ERCC1: variants seen among roughly 807,000 people sequenced by gnomAD.
The protein encoded by ERCC1 is DNA excision repair protein ERCC-1.
A neutral mutation model predicts 37.6 loss-of-function variants in ERCC1; 36 were observed. The observed-to-expected ratio is 0.96, with a 90% CI of 0.73 to 1.26. ERCC1 has a LOEUF of 1.26. ERCC1 is among the 50% of genes most tolerant of loss of function. ERCC1 has a pLI of 0.00. For missense variants in ERCC1, 349 were observed against 376.5 expected (o/e 0.93, Z 0.60); for synonymous variants, 156 against 162.1 (o/e 0.96, Z 0.28).
In ERCC1 at chr19:45,429,660, T is replaced by G. The variant is rs564057318; in HGVS notation, c.-7-6279A>C. ...TGCCATTCCAGAGCACATGCCATTCTCCACTTGTCACGATTTCTTGCATAC... is the reference window on the plus strand; with the variant it reads ...TGCCATTCCAGAGCACATGCCATTCGCCACTTGTCACGATTTCTTGCATAC... On this transcript the variant is annotated intron_variant, in intron 1 of 8. Transcript: ENST00000423698. Among the ~76,000 whole-genome samples the G allele has an allele frequency of 4.4e-4, 67 of 152,276 alleles. 2 individuals are homozygous for G. In the South Asian group the frequency reaches 0.011, roughly 25 times the overall value.
intron 1 of ERCC1, among the ~76,000 whole-genome samples, chr19:45,441,679 T>G (rs1278586832): frequency 1.4e-5 from 2 of 146,014 alleles, no homozygotes; most frequent in Non-Finnish European, 3.0e-5. Flanking sequence ...CCAGCCTAAT[T>G]TTTTTTTTTT....
intron 1 of ERCC1, chr19:45,450,703 T>G: frequency 6.7e-6 from 1 of 149,768 alleles, no homozygotes; most frequent in African/African-American, 2.5e-5. Context: ...GAGGCAGAGG[T>G]TGCAGTGAGC....
chr19:45,449,116 G>A (rs555344818), intron 1 of ERCC1: 17 of 152,306 alleles, frequency 1.1e-4, no homozygotes, highest in African/African-American at 3.8e-4. Context: ...TGAAGGATAA[G>A]GGATCATGCA....
At chr19:45,437,677 G>A (rs750019788) in intron 1 of ERCC1, among the ~76,000 whole-genome samples, 6 of 152,230 alleles carry the variant, frequency 3.9e-5, no homozygotes, top group South Asian at 2.1e-4. Context: ...CAGTATAAAG[G>A]TGGCTACTAG....
chr19:45,414,212 A>C lies in ERCC1; in HGVS notation c.703-178T>G. On this transcript the variant is annotated intron_variant, in intron 7 of 9. Coordinates refer to ENST00000300853, the MANE Select transcript of ERCC1 (RefSeq NM_001983.4). Reference sequence around the variant, plus strand: ...CATCTCAGGCTGGGCGTGGTGGCTCATGCCTAATAATCCCAGCACTTTCGA... The same window carrying C: ...CATCTCAGGCTGGGCGTGGTGGCTCCTGCCTAATAATCCCAGCACTTTCGA... The C allele has an allele frequency of 6.1e-6, 4 of 655,786 alleles. No homozygotes were observed. The South Asian group carries it at 6.6e-5, about 11-fold the overall frequency. The allele number at this position is 655,786 out of a possible 1,614,324, so 40.6% of individuals were successfully genotyped here.
At chr19:45,416,793 G>A in intron 6 of ERCC1, 28 bp downstream of exon 6, 1 of 1,583,760 alleles carries the variant, frequency 6.3e-7, no homozygotes, top group Non-Finnish European at 8.7e-7. Context: ...GGTGGAGCCT[G>A]AATGAGGCAG....
At chr19:45,417,835 G>A (rs1015323019) in intron 5 of ERCC1, among the ~76,000 whole-genome samples, 4 of 152,036 alleles carry the variant, frequency 2.6e-5, no homozygotes, top group Non-Finnish European at 5.9e-5. Flanking sequence ...GAGTAGCTGG[G>A]ACTATAGGTG....
rs1973547906 is a variant in ERCC1, at chr19:45,409,413, C to T, written c.*262G>A. The T allele has an allele frequency of 1.2e-6, 2 of 1,613,526 alleles. No homozygotes were observed. Among genetic ancestry groups the T allele is most frequent in the South Asian group, 2.2e-5 (2 of 91,068 alleles). ...GAGACAGTGCCCCAAGAGGAGATGC[C>T]AGGGCCGCCACTGAATTCAGAGTCT... On this transcript the variant is annotated 3_prime_UTR_variant, in exon 10 of 10. Transcript: ENST00000300853.
rs769507840 is a variant in ERCC1 at position 45,419,202 on chromosome 19, T to TG, written c.426-6dup. On this transcript the variant is annotated splice_polypyrimidine_tract_variant and splice_region_variant and intron_variant, in intron 4 of 9. Coordinates refer to ENST00000300853, the MANE Select transcript of ERCC1 (RefSeq NM_001983.4). ...TGCAGGTTGTGGTAGCGGAGGCTGG[T>TG]GGGGGCAGGGAGCGGGAGTTGAGAG... is the stretch of plus-strand genomic sequence containing the variant. 3 of 1,583,154 alleles carry TG rather than the reference T, an allele frequency of 1.9e-6. No homozygotes were observed. The highest frequency in any genetic ancestry group is 1.7e-4 in the Middle Eastern group (1 of 5,992).
intron 1 of ERCC1, among the ~76,000 whole-genome samples, chr19:45,446,402 A>T (rs765502296): frequency 2.6e-4 from 40 of 152,210 alleles, no homozygotes; most frequent in Non-Finnish European, 5.4e-4. Flanking sequence ...ATAGCAAGCC[A>T]TCAGTAGATG....
chr19:45,419,660 G>C (rs972907899), intron 4 of ERCC1, among the ~76,000 whole-genome samples: 8 of 152,268 alleles, frequency 5.3e-5, no homozygotes, highest in African/African-American at 1.9e-4. Context: ...GGGAGCACAG[G>C]AACTCAGAGG....
intron 1 of ERCC1, among the ~76,000 whole-genome samples, chr19:45,432,882 C>G (rs553454243): frequency 6.6e-6 from 1 of 152,074 alleles, no homozygotes; most frequent in African/African-American, 2.4e-5. Context: ...GCCTGACCAA[C>G]ATGACCTGAC....
chr19:45,410,563 C>CGTGTGTGTGTGTGTG (rs1555785393), intron 9 of ERCC1: 7 of 69,652 alleles, frequency 1.0e-4, no homozygotes, highest in Middle Eastern at 5.9e-3. Flanking sequence ...TTCATTCTTT[C>CGTGTGTGTGTGTGTG]TTTGTGTGTG....
chr19:45,411,898 C>T (rs1011892036), intron 9 of ERCC1, among the ~76,000 whole-genome samples: 5 of 151,656 alleles, frequency 3.3e-5, no homozygotes, highest in Admixed American at 2.6e-4. Context: ...ACTCTGTCAC[C>T]CAGGCTGGAG....
chr19:45,430,832 G>A (rs1385145359), intron 1 of ERCC1, among the ~76,000 whole-genome samples: 1 of 151,940 alleles, frequency 6.6e-6, no homozygotes, highest in African/African-American at 2.4e-5. Flanking sequence ...TGGGAGAATT[G>A]GGAGATGAAG....
rs1260280890 is a variant in ERCC1, at chr19:45,423,369, G to A, written c.6C>T (p.Asp2=). 6.2e-7 allele frequency: 1 copy of A among 1,612,200 alleles called. No homozygotes were observed. The highest frequency in any genetic ancestry group is 2.2e-5 in the East Asian group (1 of 44,834). Residue 2 remains aspartate (D), a synonymous_variant, in exon 2 of 10, where the codon GAC becomes GAT. Coordinates refer to ENST00000300853, the MANE Select transcript of ERCC1 (RefSeq NM_001983.4). M[D]PGKDKEGVPQ... is the part of the protein sequence containing the mutation. ...GCACCCCCTCTTTGTCCTTCCCAGG[G>A]TCCATCTGGAGCCTGAAAGGGAAGG...
Position 45,423,350 on chromosome 19 carries a change from C to G in ERCC1, c.25G>C (p.Gly9Arg). MDPGKDKE[G>R]VPQPSGPPAR... ...GGCGGCCCTGAGGGCTGGGGCACCC[C>G]CTCTTTGTCCTTCCCAGGGTCCATC... Residue 9 changes from glycine (G) to arginine (R), a missense_variant, in exon 2 of 10, where the codon GGG becomes CGG. Transcript: ENST00000300853. The G allele has an allele frequency of 6.2e-7, 1 of 1,613,436 alleles. No individual in the cohort carries two copies. Among genetic ancestry groups the G allele is most frequent in the Non-Finnish European group, 8.5e-7 (1 of 1,179,816 alleles).
At chr19:45,445,125 T>C (rs1424278236) in intron 1 of ERCC1, among the ~76,000 whole-genome samples, 1 of 152,192 alleles carries the variant, frequency 6.6e-6, no homozygotes, top group African/African-American at 2.4e-5. Flanking sequence ...CAAGCAATTC[T>C]CCTGCCTCAG....
At chr19:45,443,571 TG>T (rs1227879166) in intron 1 of ERCC1, among the ~76,000 whole-genome samples, 3 of 152,016 alleles carry the variant, frequency 2.0e-5, no homozygotes, top group Non-Finnish European at 4.4e-5. Context: ...TCCCTTGGGA[TG>T]GGGGCGGAGA....
Sources: allele counts gnomAD v4.1 joint callset (sites outside exome capture counted in the v4.1 genomes callset), GRCh38; gene constraint gnomAD v4.1.1; transcripts MANE v1.5; gene names NCBI Gene and HGNC (gene_info 2026-07-23, HGNC 2026-07-21).